Variants in KIF21B observed in about 807,000 individuals in gnomAD.
The protein encoded by KIF21B is kinesin-like protein KIF21B.
KIF21B carries 85 observed loss-of-function variants against 192.9 expected under a neutral mutation model. That is an observed-to-expected ratio of 0.44 (90% CI 0.37 to 0.53). The LOEUF is 0.53. Among genes scored for constraint, KIF21B ranks in the 20% least tolerant of loss-of-function variants. KIF21B has a pLI of 0.00. For missense variants in KIF21B, 1,716 were observed against 2,194.8 expected (o/e 0.78, Z 4.36); for synonymous variants, 832 against 884.6 (o/e 0.94, Z 1.05).
At position 201,003,743 on chromosome 1, in the gene KIF21B, C is replaced by T. The variant is rs779737040; in HGVS notation, c.1055G>A (p.Arg352Gln). ...IMIACVSPSD[R>Q]DFMETLNTLK... ...TGTGTTGAGGGTCTCCATGAAATCT[C>T]GGTCTGAGGGGCTCACACAGGCGAT... Residue 352 changes from arginine to glutamine, a missense_variant, in exon 8 of 35, where the codon CGA (arginine) becomes CAA (glutamine). By Grantham distance (43) the Arg-to-Gln change is conservative. Coordinates refer to ENST00000461742, the MANE Select transcript of KIF21B (RefSeq NM_001252102.2). 1.8e-5 allele frequency: 29 copies of T among 1,614,024 alleles called. No individual in the cohort carries two copies. Among genetic ancestry groups the T allele is most frequent in the South Asian group, 1.1e-4 (10 of 91,074 alleles).
chr1:201,000,984 C>G lies in KIF21B; in HGVS notation c.1403-204G>C, dbSNP rs567675228. ...TAGCCGGGCGTGGTGGCGCATGCCT[C>G]TAATCCCAGCTACTCGGGACGCTGA... On this transcript the variant is annotated intron_variant, in intron 9 of 34. Transcript: ENST00000461742. This position sits in a 1 kb window ranked among gnomAD's most constrained non-coding sequence, Gnocchi z 6.0. Among the ~76,000 whole-genome samples, 14 of 152,036 alleles carry G rather than the reference C, an allele frequency of 9.2e-5. No homozygotes were observed. In the South Asian group the frequency reaches 1.9e-3, roughly 20 times the overall value.
At chr1:201,005,778 T>G in intron 3 of KIF21B, 84 bp from the exon 4 acceptor site, 1 of 1,381,224 alleles carries the variant, frequency 7.2e-7, no homozygotes. Context: ...CCATATCTGT[T>G]TTACAGATGT....
intron 23 of KIF21B, 62 bp downstream of exon 23, chr1:200,988,430 TC>T: frequency 1.2e-6 from 2 of 1,608,822 alleles, no homozygotes; most frequent in Non-Finnish European, 1.7e-6. Context: ...CTATGGCAAC[TC>T]CTCCCACCAG....
rs1184866483 is a variant in KIF21B at position 200,970,063 on chromosome 1, G to C, written c.*3458C>G. The C allele has an allele frequency of 6.5e-6, 1 of 152,720 alleles. No individual in the cohort carries two copies. The highest frequency in any genetic ancestry group is 1.5e-5 in the Non-Finnish European group (1 of 68,174). The allele number at this position is 152,720 out of a possible 1,614,324, so 9.5% of individuals were successfully genotyped here. On this transcript the variant is annotated 3_prime_UTR_variant, in exon 35 of 35. Coordinates refer to ENST00000461742, the MANE Select transcript of KIF21B (RefSeq NM_001252102.2). The stretch of plus-strand genomic sequence containing the variant: ...CAGGCTCTGCCCACACAAACACGAT[G>C]GTGAACAGACCAGGCACAGGCAACA...
At chr1:201,005,502 C>T in intron 4 of KIF21B, 43 bp downstream of exon 4, 1 of 1,598,470 alleles carries the variant, frequency 6.3e-7, no homozygotes, top group Non-Finnish European at 8.6e-7. Flanking sequence ...CCTGCCCTTT[C>T]AGGATGCCCT....
rs1212459974 is a variant in KIF21B, at chr1:200,998,901, A to G, written c.1886-326T>C. 6.6e-6 allele frequency among the ~76,000 whole-genome samples: 1 copy of G among 152,128 alleles called. No individual in the cohort carries two copies. The highest frequency in any genetic ancestry group is 1.5e-5 in the Non-Finnish European group (1 of 68,026). On this transcript the variant is annotated intron_variant, in intron 13 of 34. Transcript: ENST00000461742. The surrounding 1 kb of genome is among the most constrained non-coding windows in gnomAD (Gnocchi z 4.3). Reference sequence around the variant, plus strand: ...AGTGGAGGAGGGTGAGATGGCTGAGAGCAACTTACAGGGCTAGGGCCAGGG... The same window carrying G: ...AGTGGAGGAGGGTGAGATGGCTGAGGGCAACTTACAGGGCTAGGGCCAGGG...
chr1:200,973,564 T>G lies in KIF21B; in HGVS notation c.4829A>C (p.Lys1610Thr). The change falls in exon 35 of 35, where the codon AAG becomes ACG. Residue 1610 changes from lysine (K) to threonine (T), a missense_variant. Transcript: ENST00000461742. ...IFTASSDLTV[K>T]FWSVRRLPHS... ...GGGTAACCGCCGGACACTCCAGAAC[T>G]TCACCGTCAGGTCACTGGGGTGGAG... The G allele has an allele frequency of 6.6e-7, 1 of 1,515,772 alleles. No homozygotes were observed. Among genetic ancestry groups the G allele is most frequent in the African/African-American group, 1.4e-5 (1 of 71,524 alleles). The allele number at this position is 1,515,772 out of a possible 1,614,324, so 93.9% of individuals were successfully genotyped here.
chr1:201,003,326 T>G (rs10920090), intron 8 of KIF21B: 3 of 541,880 alleles, frequency 5.5e-6, no homozygotes, highest in East Asian at 6.4e-5. Flanking sequence ...CAACAAAAGC[T>G]GGGGAGCCCT....
At chr1:200,985,046 C>CGG in intron 26 of KIF21B, 74 bp from the exon 27 acceptor site, 1 of 1,057,312 alleles carries the variant, frequency 9.5e-7, no homozygotes, top group South Asian at 1.5e-5. Flanking sequence ...TGCTGGGCTT[C>CGG]CACCTTCTGC....
Position 201,023,528 on chromosome 1 carries a change from C to T in KIF21B, c.-145G>A. 2.8e-6 allele frequency: 1 copy of T among 353,436 alleles called. No individual in the cohort carries two copies. The highest frequency in any genetic ancestry group is 2.2e-5 in the African/African-American group (1 of 45,420). The allele number at this position is 353,436 out of a possible 1,614,324, so 21.9% of individuals were successfully genotyped here. On this transcript the variant is annotated 5_prime_UTR_variant, in exon 1 of 35. Transcript: ENST00000461742. The surrounding 1 kb of genome is among the most constrained non-coding windows in gnomAD (Gnocchi z 5.9). ...CGGCGGCGGCTGGAGGTGACATGCT[C>T]GCGGGCGGCAGGCCGAGGGGCTCAC...
At position 200,981,111 on chromosome 1, in the gene KIF21B, G is replaced by C; in HGVS notation, c.3843-15C>G. On this transcript the variant is annotated splice_polypyrimidine_tract_variant and intron_variant, in intron 28 of 34. Transcript: ENST00000461742. Reference sequence around the variant, plus strand: ...AGATGATGCCCCTTCCCGGGAGAGAGGGAGAGAAGGCATGCTCGTCAGCCA... The same window carrying C: ...AGATGATGCCCCTTCCCGGGAGAGACGGAGAGAAGGCATGCTCGTCAGCCA... The C allele has an allele frequency of 6.4e-7, 1 of 1,573,038 alleles. No homozygotes were observed. The highest frequency in any genetic ancestry group is 8.6e-7 in the Non-Finnish European group (1 of 1,165,514).
At position 200,984,911 on chromosome 1, in the gene KIF21B, T is replaced by C; in HGVS notation, c.3751A>G (p.Asn1251Asp). ...TTACTGGTGAGACGAGAGAAGACAT[T>C]GCGGTCATTGCGGGGCCGAGTGGGA... is the stretch of plus-strand genomic sequence containing the variant. ...SPPTRPRNDRNVFSRLTSNQS... is the reference protein window; with the variant it reads ...SPPTRPRNDRDVFSRLTSNQS... The change falls in exon 27 of 35, where the codon AAT (asparagine) becomes GAT (aspartate). Residue 1251 changes from asparagine (N) to aspartate (D), a missense_variant. By Grantham distance (23) the Asn-to-Asp change is conservative. Around this residue, in one of 3 missense-constraint regions of KIF21B, gnomAD observed 580 missense variants for 775.5 expected, o/e 0.75. Coordinates refer to ENST00000461742, the MANE Select transcript of KIF21B (RefSeq NM_001252102.2). The C allele has an allele frequency of 6.2e-7, 1 of 1,607,240 alleles. No individual in the cohort carries two copies. Among genetic ancestry groups the C allele is most frequent in the Non-Finnish European group, 8.5e-7 (1 of 1,177,528 alleles).
chr1:201,008,179 C>T (rs1373916748), intron 3 of KIF21B, among the ~76,000 whole-genome samples: 1 of 152,178 alleles, frequency 6.6e-6, no homozygotes, highest in African/African-American at 2.4e-5. Flanking sequence ...CACAGAGACC[C>T]CCTGCTCCCC....
Position 201,017,346 on chromosome 1 carries a change from CA to C in KIF21B, c.41+5996del, listed in dbSNP as rs142730367. Among the ~76,000 whole-genome samples, 104 of 152,310 alleles carry C rather than the reference CA, an allele frequency of 6.8e-4. 2 individuals are homozygous for C. The East Asian group carries it at 0.019, about 28-fold the overall frequency. On this transcript the variant is annotated intron_variant, in intron 1 of 34. Coordinates refer to ENST00000461742, the MANE Select transcript of KIF21B (RefSeq NM_001252102.2). The surrounding 1 kb of genome is among the most constrained non-coding windows in gnomAD (Gnocchi z 4.1). ...CACAAGCCTGGCTGTGAGCAGGAGCCAGGAACTTCCTGGGCCAGGGTCGGAC... is the reference window on the plus strand; with the variant it reads ...CACAAGCCTGGCTGTGAGCAGGAGCCGGAACTTCCTGGGCCAGGGTCGGAC...
chr1:201,012,787 G>A (rs1658310446), intron 1 of KIF21B, among the ~76,000 whole-genome samples: 1 of 152,076 alleles, frequency 6.6e-6, no homozygotes, highest in Non-Finnish European at 1.5e-5. Context: ...GGGACAACAG[G>A]CACGCACCAT....
Position 201,000,637 on chromosome 1 carries a change from C to G in KIF21B, c.1467-29G>C, listed in dbSNP as rs779076827. On this transcript the variant is annotated intron_variant, in intron 10 of 34. Transcript: ENST00000461742. This position sits in a 1 kb window ranked among gnomAD's most constrained non-coding sequence, Gnocchi z 6.0. Reference sequence around the variant, plus strand: ...CACAGGAAGAACGAGTGGACGGGGCCGAGTGAGCTGCCACAGCCCTTGGCG... The same window carrying G: ...CACAGGAAGAACGAGTGGACGGGGCGGAGTGAGCTGCCACAGCCCTTGGCG... The G allele has an allele frequency of 6.2e-7, 1 of 1,613,204 alleles. No homozygotes were observed. The highest frequency in any genetic ancestry group is 8.5e-7 in the Non-Finnish European group (1 of 1,179,652).
intron 1 of KIF21B, among the ~76,000 whole-genome samples, chr1:201,021,612 T>G (rs941109300): frequency 6.6e-6 from 1 of 152,196 alleles, no homozygotes; most frequent in Admixed American, 6.5e-5. Flanking sequence ...TTCTCCTCAC[T>G]GTGCCAATCC....
chr1:200,984,448 G>T (rs1427973679), intron 27 of KIF21B, among the ~76,000 whole-genome samples: 1 of 152,184 alleles, frequency 6.6e-6, no homozygotes, highest in African/African-American at 2.4e-5. Flanking sequence ...TGGGGGTCTG[G>T]TCTCTTTCTG....
chr1:200,987,236 C>A, intron 24 of KIF21B, 35 bp from the exon 25 acceptor site: 1 of 1,566,964 alleles, frequency 6.4e-7, no homozygotes, highest in South Asian at 1.1e-5. Flanking sequence ...TCAACTTGCC[C>A]AAATTGCATG....
Sources: gnomAD v4.1 joint callset for allele counts (sites outside exome capture counted in the v4.1 genomes callset) on GRCh38, gnomAD v4.1.1 for gene constraint, gnomAD v4.1.1 regional missense constraint, Gnocchi (gnomAD v3.1) non-coding constraint, MANE v1.5 for transcripts, NCBI Gene and HGNC (gene_info 2026-07-23, HGNC 2026-07-21) for gene names.